NRXN3: variants seen among roughly 807,000 people sequenced by gnomAD.
The protein encoded by NRXN3 is neurexin 3.
NRXN3 carries 32 observed loss-of-function variants against 137.6 expected under a neutral mutation model. The observed-to-expected ratio is 0.23, with a 90% CI of 0.18 to 0.31. The LOEUF is 0.31. Ranked by LOEUF, NRXN3 falls within the 10% of genes least tolerant of loss-of-function variation. The probability of loss-of-function intolerance (pLI) is 1.00; values close to 1 mark genes in which losing one functional copy is unlikely to be tolerated. For synonymous variants in NRXN3, 798 were observed against 784.5 expected, an observed-to-expected ratio of 1.02 and a Z score of -0.29; for missense variants, 1,574 against 2,062.5, an observed-to-expected ratio of 0.76 and a Z score of 4.59.
chr14:78,610,233 G>A (rs527436062), intron 4 of NRXN3, among the ~76,000 whole-genome samples: 5 of 152,354 alleles, frequency 3.3e-5, no homozygotes, highest in Non-Finnish European at 7.3e-5. Flanking sequence ...TTAAAAAGCT[G>A]AGCCAACGTT....
chr14:79,197,040 T>C (rs2065234007), intron 15 of NRXN3, among the ~76,000 whole-genome samples: 1 of 152,174 alleles, frequency 6.6e-6, no homozygotes, highest in Non-Finnish European at 1.5e-5. Flanking sequence ...GTCAGCTCTA[T>C]TACACATCTC....
chr14:79,460,339 A>G (rs2096314982), intron 15 of NRXN3, among the ~76,000 whole-genome samples: 1 of 152,172 alleles, frequency 6.6e-6, no homozygotes, highest in South Asian at 2.1e-4. Context: ...ATCATGAAGA[A>G]TGGCTCTCTT....
chr14:79,407,029 G>A (rs1187126224), intron 15 of NRXN3, among the ~76,000 whole-genome samples: 1 of 152,056 alleles, frequency 6.6e-6, no homozygotes, highest in African/African-American at 2.4e-5. Context: ...GAATGTAGAC[G>A]ATCAGGGATG....
chr14:79,428,805 GTT>G (rs952540655), intron 15 of NRXN3, among the ~76,000 whole-genome samples: 4 of 152,148 alleles, frequency 2.6e-5, no homozygotes, highest in Non-Finnish European at 5.9e-5. Flanking sequence ...TTAGTTCTGA[GTT>G]TGAAGCAGAT....
chr14:78,193,637 C>T (rs974109783), intron 1 of NRXN3, among the ~76,000 whole-genome samples: 3 of 151,910 alleles, frequency 2.0e-5, no homozygotes, highest in Admixed American at 6.6e-5. Flanking sequence ...TGGCGCACAC[C>T]TGTAACTCCA....
At chr14:79,149,574 C>G (rs1316580555) in intron 15 of NRXN3, among the ~76,000 whole-genome samples, 4 of 151,984 alleles carry the variant, frequency 2.6e-5, no homozygotes, top group African/African-American at 9.7e-5. Flanking sequence ...CATTGTGGCA[C>G]TATTCACAAT....
intron 16 of NRXN3, among the ~76,000 whole-genome samples, chr14:79,490,344 T>G (rs1326550492): frequency 6.6e-6 from 1 of 152,140 alleles, no homozygotes; most frequent in Non-Finnish European, 1.5e-5. Context: ...AATCAGTATA[T>G]CAAAGAGATA....
At chr14:79,406,795 C>T (rs991675672) in intron 15 of NRXN3, among the ~76,000 whole-genome samples, 1 of 152,012 alleles carries the variant, frequency 6.6e-6, no homozygotes, top group African/African-American at 2.4e-5. Context: ...CAGCATGCGT[C>T]GTGAATATGG....
chr14:78,316,452 G>A (rs1312123852), intron 4 of NRXN3, among the ~76,000 whole-genome samples: 6 of 152,196 alleles, frequency 3.9e-5, no homozygotes, highest in African/African-American at 1.2e-4. Flanking sequence ...GATGCAGGAA[G>A]GGAGGGGCAG....
intron 15 of NRXN3, among the ~76,000 whole-genome samples, chr14:79,408,474 G>T (rs1359910834): frequency 1.3e-5 from 2 of 152,056 alleles, no homozygotes; most frequent in African/African-American, 4.8e-5. Flanking sequence ...TCAGTGCTCT[G>T]TGAATTTGTA....
At chr14:78,846,891 C>A (rs2099028741) in intron 10 of NRXN3, among the ~76,000 whole-genome samples, 1 of 152,038 alleles carries the variant, frequency 6.6e-6, no homozygotes, top group African/African-American at 2.4e-5. Flanking sequence ...AACACTGTGC[C>A]TAGTTTCTTC....
At chr14:78,624,761 C>T (rs754066889) in intron 4 of NRXN3, among the ~76,000 whole-genome samples, 1 of 152,112 alleles carries the variant, frequency 6.6e-6, no homozygotes. Context: ...ATCTGGCTAG[C>T]TTTGTAACCC....
chr14:78,334,912 A>G (rs986322623), intron 4 of NRXN3, among the ~76,000 whole-genome samples: 2 of 152,170 alleles, frequency 1.3e-5, no homozygotes, highest in Non-Finnish European at 2.9e-5. Context: ...ATTTTTGCCA[A>G]CATTATATCC....
intron 15 of NRXN3, among the ~76,000 whole-genome samples, chr14:78,994,880 A>T (rs2099526832): frequency 1.3e-5 from 2 of 152,180 alleles, no homozygotes; most frequent in African/African-American, 4.8e-5. Context: ...CTTTATAAGG[A>T]TATCATTCTT....
At chr14:78,837,462 C>T (rs1596358683) in intron 10 of NRXN3, among the ~76,000 whole-genome samples, 1 of 151,926 alleles carries the variant, frequency 6.6e-6, no homozygotes, top group East Asian at 1.9e-4. Flanking sequence ...AAATGCTTCA[C>T]CCTAGTCCTT....
intron 19 of NRXN3, among the ~76,000 whole-genome samples, chr14:79,728,500 A>AC (rs1339074521): frequency 6.6e-6 from 1 of 152,180 alleles, no homozygotes; most frequent in African/African-American, 2.4e-5. Flanking sequence ...GCAACCCTTT[A>AC]TGCAAGCAGT....
At chr14:78,782,048 G>A (rs1203150252) in intron 8 of NRXN3, among the ~76,000 whole-genome samples, 1 of 152,200 alleles carries the variant, frequency 6.6e-6, no homozygotes. Flanking sequence ...CATTTGGACT[G>A]GGCTTGCGTA....
At chr14:79,374,302 T>G (rs1045014605) in intron 15 of NRXN3, among the ~76,000 whole-genome samples, 3 of 151,976 alleles carry the variant, frequency 2.0e-5, no homozygotes, top group Admixed American at 2.0e-4. Flanking sequence ...AAGAACTGAG[T>G]TCGTGGCCAT....
chr14:78,297,636 T>C (rs1459699597), intron 3 of NRXN3, among the ~76,000 whole-genome samples, 195 bp from the exon 4 acceptor site: 1 of 152,188 alleles, frequency 6.6e-6, no homozygotes, highest in Non-Finnish European at 1.5e-5. Flanking sequence ...AAGGCTGGGG[T>C]GTCCATGTTT....
Sources: gnomAD v4.1 joint callset for allele counts (sites outside exome capture counted in the v4.1 genomes callset) on GRCh38, gnomAD v4.1.1 for gene constraint, MANE v1.5 for transcripts, NCBI Gene and HGNC (gene_info 2026-07-23, HGNC 2026-07-21) for gene names.